Variants in ATF2 observed in about 807,000 individuals in gnomAD.
ATF2 encodes the protein cyclic AMP-dependent transcription factor ATF-2.
Under a neutral mutation model 60.6 loss-of-function variants are expected in ATF2, and 24 were observed. The observed-to-expected ratio is 0.40, with a 90% CI of 0.29 to 0.56. The LOEUF is 0.56. ATF2 is among the 20% of genes least tolerant of loss of function. The probability of loss-of-function intolerance (pLI) is 0.54; values close to 1 mark genes in which losing one functional copy is unlikely to be tolerated. For synonymous variants in ATF2, 206 were observed against 215.4 expected (o/e 0.96, Z 0.38); for missense variants, 433 against 607.7 (o/e 0.71, Z 3.02).
chr2:175,095,630 T>G (rs1200047035), intron 11 of ATF2, among the ~76,000 whole-genome samples: 1 of 152,188 alleles, frequency 6.6e-6, no homozygotes, highest in Admixed American at 6.6e-5. Context: ...TGTCTATTAA[T>G]TCATTCTATT....
chr2:175,142,522 T>C (rs1698616777), intron 2 of ATF2, among the ~76,000 whole-genome samples: 1 of 152,224 alleles, frequency 6.6e-6, no homozygotes, highest in Non-Finnish European at 1.5e-5. Context: ...GTTCCTCGTA[T>C]TTCCTCTATT....
chr2:175,157,078 T>C (rs542335279), intron 1 of ATF2, among the ~76,000 whole-genome samples: 28 of 152,300 alleles, frequency 1.8e-4, no homozygotes, highest in African/African-American at 6.7e-4. Context: ...TTTCCAGCAA[T>C]GTCCTGGGTT....
chr2:175,074,651 G>C lies in ATF2; in HGVS notation c.1476C>G (p.Ile492Met), dbSNP rs369362331. ...GTGACTGGGAGGAAGGAGCCATAAC[G>C]ATCTGTGAAAGAGCAGGCTCTGTAC... ...DQSTEPALSQ[I>M]VMAPSSQSQP... Residue 492 changes from isoleucine to methionine, a missense_variant, in exon 14 of 14, where the codon ATC (isoleucine) becomes ATG (methionine). Ile to Met is a conservative substitution (Grantham distance 10). Coordinates refer to ENST00000264110, the MANE Select transcript of ATF2 (RefSeq NM_001880.4). The C allele has an allele frequency of 3.7e-6, 6 of 1,613,106 alleles. No individual in the cohort carries two copies. Among genetic ancestry groups the C allele is most frequent in the South Asian group, 3.3e-5 (3 of 91,056 alleles).
intron 10 of ATF2, among the ~76,000 whole-genome samples, chr2:175,102,075 T>TAA: frequency 6.7e-6 from 1 of 150,272 alleles, no homozygotes; most frequent in Admixed American, 6.6e-5. Context: ...TACTTTGGTT[T>TAA]AAAAAAAAAA....
chr2:175,119,711 G>A (rs935287237), intron 5 of ATF2, among the ~76,000 whole-genome samples: 2 of 151,542 alleles, frequency 1.3e-5, no homozygotes, highest in African/African-American at 2.4e-5. Context: ...ACATGTATTA[G>A]CTTAAGTCCA....
chr2:175,134,870 G>C lies in ATF2; in HGVS notation c.32+1542C>G, dbSNP rs566032006. On this transcript the variant is annotated intron_variant, in intron 3 of 13. Coordinates refer to ENST00000264110, the MANE Select transcript of ATF2 (RefSeq NM_001880.4). ...GGTAGTGTCGTGGTAGCGTCATGGTGGTGTACACCTGTAGTCCCAGCTACT... is the reference window on the plus strand; with the variant it reads ...GGTAGTGTCGTGGTAGCGTCATGGTCGTGTACACCTGTAGTCCCAGCTACT... 2.0e-5 allele frequency among the ~76,000 whole-genome samples: 3 copies of C among 151,904 alleles called. No individual in the cohort carries two copies. In the East Asian group the frequency reaches 5.8e-4, roughly 29 times the overall value.
chr2:175,128,909 G>A (rs774486055), intron 4 of ATF2, among the ~76,000 whole-genome samples: 3 of 72,290 alleles, frequency 4.1e-5, no homozygotes, highest in Admixed American at 1.4e-4. Flanking sequence ...GATACAAATG[G>A]CCAACAAACA....
chr2:175,148,582 T>C (rs1282033655), intron 2 of ATF2, among the ~76,000 whole-genome samples: 1 of 152,146 alleles, frequency 6.6e-6, no homozygotes, highest in African/African-American at 2.4e-5. Flanking sequence ...ACAGGCCTCA[T>C]TTATACCCTC....
intron 4 of ATF2, among the ~76,000 whole-genome samples, chr2:175,124,284 A>G (rs1030319750): frequency 2.7e-3 from 24 of 8,772 alleles, no homozygotes; most frequent in Non-Finnish European, 0.012. Context: ...GAAAAAGTGA[A>G]AAAAAAAAAG....
intron 2 of ATF2, among the ~76,000 whole-genome samples, chr2:175,144,025 C>T (rs1698774018): frequency 6.6e-6 from 1 of 152,118 alleles, no homozygotes; most frequent in African/African-American, 2.4e-5. Flanking sequence ...AACTCCTAGG[C>T]TCAAGCCATC....
intron 6 of ATF2, 41 bp downstream of exon 6, chr2:175,118,210 T>C (rs1183140598): frequency 6.3e-7 from 1 of 1,590,408 alleles, no homozygotes; most frequent in East Asian, 2.2e-5. Context: ...ATTACTTTTC[T>C]GTCAGAAGTA....
intron 1 of ATF2, among the ~76,000 whole-genome samples, chr2:175,161,056 G>A (rs1054444231): frequency 1.3e-5 from 2 of 151,788 alleles, no homozygotes; most frequent in Non-Finnish European, 2.9e-5. Context: ...AAAGATAATT[G>A]GATTTTATGA....
chr2:175,074,398 A>G lies in ATF2; in HGVS notation c.*211T>C, dbSNP rs1693137122. ...ATTAATAAATCTAATAATATTTATA[A>G]AAAAAGCAAAATCAGTCTTTTTCCA... On this transcript the variant is annotated 3_prime_UTR_variant, in exon 14 of 14. Transcript: ENST00000264110. The G allele has an allele frequency of 9.8e-6, 4 of 406,924 alleles. No homozygotes were observed. Among genetic ancestry groups the G allele is most frequent in the Non-Finnish European group, 8.5e-6 (2 of 235,554 alleles). 25.2% of individuals were successfully genotyped at this position (406,924 alleles called of 1,614,324 possible).
Position 175,082,337 on chromosome 2 carries a change from T to A in ATF2, c.1186-1572A>T, listed in dbSNP as rs1008474932. 3.3e-5 allele frequency among the ~76,000 whole-genome samples: 5 copies of A among 152,136 alleles called. 1 individual carries two copies. In the South Asian group the frequency reaches 8.3e-4, roughly 25 times the overall value. ...TAGATAGTAATCAAAGTACAAAAGG[T>A]AAAATTTAAAACAGTTTGGCTTGAA... is the stretch of plus-strand genomic sequence containing the variant. On this transcript the variant is annotated intron_variant, in intron 12 of 13. Transcript: ENST00000264110.
At chr2:175,105,313 C>G (rs1695580059) in intron 10 of ATF2, among the ~76,000 whole-genome samples, 2 of 150,104 alleles carry the variant, frequency 1.3e-5, no homozygotes, top group African/African-American at 5.0e-5. Flanking sequence ...AAAATCTGCC[C>G]CCCCCCCAAA....
chr2:175,093,633 C>G (rs1330693149), intron 11 of ATF2, among the ~76,000 whole-genome samples: 1 of 152,014 alleles, frequency 6.6e-6, no homozygotes, highest in Non-Finnish European at 1.5e-5. Context: ...CCCTGGAAAA[C>G]TAATTATAAA....
At chr2:175,121,661 A>C in intron 4 of ATF2, 121 bp from the exon 5 acceptor site, 3 of 678,678 alleles carry the variant, frequency 4.4e-6, no homozygotes, top group Non-Finnish European at 7.2e-6. Context: ...AGCAGTTTTT[A>C]AACTATAAAA....
chr2:175,154,109 G>A (rs1699501268), intron 1 of ATF2, among the ~76,000 whole-genome samples: 1 of 151,260 alleles, frequency 6.6e-6, no homozygotes, highest in African/African-American at 2.4e-5. Flanking sequence ...AGCTACTCAG[G>A]AGGCTGAGGC....
intron 13 of ATF2, 24 bp from the exon 14 acceptor site, chr2:175,074,859 T>C: frequency 6.2e-7 from 1 of 1,612,194 alleles, no homozygotes; most frequent in Non-Finnish European, 8.5e-7. Flanking sequence ...AGAAAAATTA[T>C]TCATTTTCCT....
Sources: gnomAD v4.1 joint callset for allele counts (sites outside exome capture counted in the v4.1 genomes callset) on GRCh38, gnomAD v4.1.1 for gene constraint, MANE v1.5 for transcripts, NCBI Gene and HGNC (gene_info 2026-07-23, HGNC 2026-07-21) for gene names.